The following BEND6 variants were observed in gnomAD, a reference collection of about 807,000 sequenced individuals.
BEND6 encodes BEN domain containing 6.
In BEND6, 24 loss-of-function variants were observed where a neutral mutation model predicts 31.8. The observed-to-expected ratio is 0.75, with a 90% CI of 0.55 to 1.06. BEND6 has a LOEUF of 1.06. BEND6 is among the 50% of genes least tolerant of loss of function. The pLI, the probability that BEND6 is intolerant of heterozygous loss-of-function variation, is 0.00. For missense variants in BEND6, 294 were observed against 327.4 expected, an observed-to-expected ratio of 0.90 and a Z score of 0.79; for synonymous variants, 109 against 114.6, an observed-to-expected ratio of 0.95 and a Z score of 0.31.
intron 2 of BEND6, among the ~76,000 whole-genome samples, chr6:56,989,225 G>C (rs150366500): frequency 8.7e-5 from 13 of 150,156 alleles, no homozygotes; most frequent in Non-Finnish European, 1.8e-4. Flanking sequence ...TTTACATAAA[G>C]TATACCATAT....
At chr6:57,012,726 C>T (rs1361943955) in intron 3 of BEND6, among the ~76,000 whole-genome samples, 1 of 151,992 alleles carries the variant, frequency 6.6e-6, no homozygotes, top group Non-Finnish European at 1.5e-5. Context: ...AAAGAAAATA[C>T]ATTAATAAAA....
chr6:56,982,238 T>C (rs928821686), intron 2 of BEND6, among the ~76,000 whole-genome samples: 1 of 152,172 alleles, frequency 6.6e-6, no homozygotes, highest in Non-Finnish European at 1.5e-5. Context: ...CTTTTTAATG[T>C]TGAACAGTTG....
At chr6:56,984,383 T>A (rs1207612745) in intron 2 of BEND6, among the ~76,000 whole-genome samples, 1 of 152,238 alleles carries the variant, frequency 6.6e-6, no homozygotes, top group East Asian at 1.9e-4. Context: ...TTCACATCAG[T>A]GTACGTGCCC....
intron 1 of BEND6, among the ~76,000 whole-genome samples, chr6:56,977,254 G>A (rs9475762): frequency 0.059 from 8,979 of 152,222 alleles, 389 homozygotes; most frequent in East Asian, 0.18. Flanking sequence ...TAACAAGCAA[G>A]TGACTGTCAG....
chr6:57,021,022 A>AG (rs1827727010), intron 6 of BEND6, among the ~76,000 whole-genome samples: 1 of 152,186 alleles, frequency 6.6e-6, no homozygotes, highest in Admixed American at 6.5e-5. Flanking sequence ...AATTGAAACA[A>AG]GGAACAGACA....
In BEND6 at chr6:57,015,037, G is replaced by A. The variant is rs115919055; in HGVS notation, c.299-96G>A. On this transcript the variant is annotated intron_variant, in intron 3 of 6. Coordinates refer to ENST00000370746, the MANE Select transcript of BEND6 (RefSeq NM_152731.3). ...AGATAGCAAATGTTAAGTTTGTTCTGCATATTTCTATGCACATACACTCAA... is the reference window on the plus strand; with the variant it reads ...AGATAGCAAATGTTAAGTTTGTTCTACATATTTCTATGCACATACACTCAA... 1,111 of 922,162 alleles carry A rather than the reference G, an allele frequency of 1.2e-3. 13 individuals carry two copies. In the African/African-American group the frequency reaches 0.017, roughly 14 times the overall value. 57.1% of individuals were successfully genotyped at this position (922,162 alleles called of 1,614,324 possible).
intron 3 of BEND6, chr6:57,013,977 ATTACT>A (rs1359481086): frequency 6.6e-6 from 1 of 152,256 alleles, no homozygotes; most frequent in African/African-American, 2.4e-5. Flanking sequence ...CTCTGGACAA[ATTACT>A]TTACTTCTTC....
At chr6:57,001,411 C>T (rs1444945184) in intron 3 of BEND6, among the ~76,000 whole-genome samples, 1 of 152,102 alleles carries the variant, frequency 6.6e-6, no homozygotes, top group Non-Finnish European at 1.5e-5. Flanking sequence ...TGATCCACTA[C>T]CTTGGGTTCT....
rs866381843 is a variant in BEND6, at chr6:56,992,435, G to A, written c.178G>A (p.Glu60Lys). The A allele has an allele frequency of 1.2e-6, 2 of 1,614,032 alleles. No homozygotes were observed. Among genetic ancestry groups the A allele is most frequent in the Middle Eastern group, 1.6e-4 (1 of 6,062 alleles). ...TGGTGAAAGCTCCAGTGAGGATGAA[G>A]AGCCTTTAGCAGAATTGTCAAAGGA... ...LPGESSSEDE[E>K]PLAELSKEEL... Residue 60 changes from glutamate to lysine, a missense_variant, in exon 3 of 7, where the codon GAG becomes AAG. Glu to Lys is a moderately conservative substitution (Grantham distance 56). Transcript: ENST00000370746.
At chr6:57,017,044 T>A (rs2127892129) in intron 4 of BEND6, among the ~76,000 whole-genome samples, 163 bp from the exon 5 acceptor site, 1 of 151,574 alleles carries the variant, frequency 6.6e-6, no homozygotes, top group Non-Finnish European at 1.5e-5. Context: ...ACATGTAAAA[T>A]ATATATTAAA....
chr6:56,982,458 G>T (rs1263304435), intron 2 of BEND6, among the ~76,000 whole-genome samples: 1 of 151,760 alleles, frequency 6.6e-6, no homozygotes, highest in African/African-American at 2.4e-5. Context: ...GTTTGGTCAG[G>T]GTGCCTTTCC....
chr6:57,000,679 T>G (rs1593008707), intron 3 of BEND6, among the ~76,000 whole-genome samples: 1 of 140,244 alleles, frequency 7.1e-6, no homozygotes. Flanking sequence ...AAATCTGGAG[T>G]TGGGATGGGC....
At chr6:56,975,247 T>C (rs1057417162) in intron 1 of BEND6, among the ~76,000 whole-genome samples, 10 of 152,170 alleles carry the variant, frequency 6.6e-5, no homozygotes, top group South Asian at 6.2e-4. Context: ...AAATCAGAAG[T>C]GTCATCTCCA....
chr6:57,019,262 T>G (rs1422011548), intron 6 of BEND6, among the ~76,000 whole-genome samples: 1 of 152,190 alleles, frequency 6.6e-6, no homozygotes, highest in East Asian at 1.9e-4. Context: ...AAGTGGAATT[T>G]TGCCACCCAC....
intron 6 of BEND6, among the ~76,000 whole-genome samples, chr6:57,020,477 G>A (rs1349288539): frequency 6.6e-6 from 1 of 152,032 alleles, no homozygotes; most frequent in African/African-American, 2.4e-5. Flanking sequence ...CTGTAGTTCA[G>A]TGGCGCGATC....
At chr6:57,021,515 G>A (rs1827741327) in intron 6 of BEND6, among the ~76,000 whole-genome samples, 1 of 152,154 alleles carries the variant, frequency 6.6e-6, no homozygotes, top group South Asian at 2.1e-4. Context: ...GTGAGGGTAA[G>A]GCCTAAATTC....
intron 3 of BEND6, among the ~76,000 whole-genome samples, chr6:56,992,838 C>T (rs180926628): frequency 6.6e-6 from 1 of 152,170 alleles, no homozygotes; most frequent in African/African-American, 2.4e-5. Flanking sequence ...ATTTAATATA[C>T]ACGACTCACA....
chr6:57,023,698 T>C (rs573166807), intron 6 of BEND6, among the ~76,000 whole-genome samples: 13 of 152,308 alleles, frequency 8.5e-5, no homozygotes, highest in Non-Finnish European at 1.6e-4. Flanking sequence ...CTCAACTTCT[T>C]GGGCTCCAGC....
Position 56,955,682 on chromosome 6 carries a change from T to A in BEND6, c.-101+222T>A, listed in dbSNP as rs527345067. 6.6e-5 allele frequency among the ~76,000 whole-genome samples: 10 copies of A among 152,322 alleles called. No individual in the cohort carries two copies. In the South Asian group the frequency reaches 2.1e-3, roughly 32 times the overall value. ...AGCTAAGAATTGGGCACTTTCGATC[T>A]TCTTGTATCCCTGGGTTTGCCCTAA... On this transcript the variant is annotated intron_variant, in intron 1 of 6. Transcript: ENST00000370746.
Sources: allele counts gnomAD v4.1 joint callset (sites outside exome capture counted in the v4.1 genomes callset), GRCh38; gene constraint gnomAD v4.1.1; transcripts MANE v1.5; gene names NCBI Gene and HGNC (gene_info 2026-07-23, HGNC 2026-07-21).